Variants in KCTD8 observed in about 807,000 individuals in gnomAD.
KCTD8 encodes the protein potassium channel tetramerization domain containing 8, also known as BTB/POZ domain-containing protein KCTD8.
In KCTD8, 27 loss-of-function variants were observed where a neutral mutation model predicts 31.5. The ratio of observed to expected loss-of-function variants is 0.86; its 90% CI spans 0.63 to 1.18. KCTD8 has a LOEUF of 1.18. KCTD8 is among the 50% of genes most tolerant of loss of function. The pLI is 0.00. For synonymous variants in KCTD8, 290 were observed against 280.0 expected, an observed-to-expected ratio of 1.04 and a Z score of -0.36; for missense variants, 658 against 647.7, an observed-to-expected ratio of 1.02 and a Z score of -0.17.
chr4:44,357,886 C>A (rs1577634425), intron 1 of KCTD8, among the ~76,000 whole-genome samples: 1 of 151,050 alleles, frequency 6.6e-6, no homozygotes, highest in Non-Finnish European at 1.5e-5. Context: ...CATAAATATT[C>A]TTTTATTATT....
chr4:44,336,587 A>T (rs1348320951), intron 1 of KCTD8, among the ~76,000 whole-genome samples: 1 of 152,142 alleles, frequency 6.6e-6, no homozygotes, highest in Non-Finnish European at 1.5e-5. Context: ...AAGCGTTACA[A>T]CTATGAGAGA....
intron 1 of KCTD8, among the ~76,000 whole-genome samples, chr4:44,397,581 G>A (rs1720538669): frequency 6.6e-6 from 1 of 152,136 alleles, no homozygotes; most frequent in African/African-American, 2.4e-5. Context: ...GAGGAACCAA[G>A]TCTTAAAGAG....
At chr4:44,200,763 T>G (rs1011050268) in intron 1 of KCTD8, among the ~76,000 whole-genome samples, 7 of 152,006 alleles carry the variant, frequency 4.6e-5, no homozygotes, top group African/African-American at 1.7e-4. Flanking sequence ...AGGATGTCCA[T>G]TCTCAACATT....
rs558835527 is a variant in KCTD8, at chr4:44,230,329, T to C, written c.962-55079A>G. The stretch of plus-strand genomic sequence containing the variant: ...TGTTCTGCCCACGACAACTTTACTA[T>C]ATAGCTAAAGAAACTATGTAAGTTA... On this transcript the variant is annotated intron_variant, in intron 1 of 1. Transcript: ENST00000360029. Among the ~76,000 whole-genome samples, 4 of 152,352 alleles carry C rather than the reference T, an allele frequency of 2.6e-5. No individual in the cohort carries two copies. In the South Asian group the frequency reaches 8.3e-4, roughly 32 times the overall value.
At chr4:44,272,121 T>TATATATATATATATATATATATATA (rs1716629513) in intron 1 of KCTD8, among the ~76,000 whole-genome samples, 102 of 142,520 alleles carry the variant, frequency 7.2e-4, no homozygotes, top group Middle Eastern at 3.6e-3. Flanking sequence ...TGGTATTATA[T>TATATATATATATATATATATATATA]TATATATATA....
chr4:44,330,374 C>A (rs1211644125), intron 1 of KCTD8, among the ~76,000 whole-genome samples: 2 of 151,778 alleles, frequency 1.3e-5, no homozygotes, highest in East Asian at 3.9e-4. Context: ...TTCTGCTGAG[C>A]CCAAATTTCT....
intron 1 of KCTD8, among the ~76,000 whole-genome samples, chr4:44,368,416 T>C (rs954876272): frequency 6.6e-6 from 1 of 150,464 alleles, no homozygotes; most frequent in Admixed American, 6.6e-5. Context: ...TAAAATAAAA[T>C]AAGCAAATCA....
intron 1 of KCTD8, among the ~76,000 whole-genome samples, chr4:44,385,587 A>C (rs1390431823): frequency 6.6e-6 from 1 of 151,656 alleles, no homozygotes; most frequent in Non-Finnish European, 1.5e-5. Flanking sequence ...AAAAGCTAAA[A>C]CTTTAAAACT....
rs115149053 is a variant in KCTD8, at chr4:44,216,968, T to C, written c.962-41718A>G. On this transcript the variant is annotated intron_variant, in intron 1 of 1. Coordinates refer to ENST00000360029, the MANE Select transcript of KCTD8 (RefSeq NM_198353.3). ...GACCTTCCCACTAATCTAGAAATAA[T>C]TGCTAAATGCAAACATGCACCTATG... Among the ~76,000 whole-genome samples the C allele has an allele frequency of 8.8e-3, 1,335 of 152,314 alleles. 20 individuals carry two copies. The highest frequency in any genetic ancestry group is 0.03 in the African/African-American group (1,268 of 41,578).
intron 1 of KCTD8, among the ~76,000 whole-genome samples, chr4:44,200,190 C>A (rs932778221): frequency 2.0e-5 from 3 of 151,470 alleles, no homozygotes; most frequent in Admixed American, 2.0e-4. Context: ...AGAAAAATGT[C>A]CTGGACAAGA....
chr4:44,225,161 C>A (rs975774180), intron 1 of KCTD8, among the ~76,000 whole-genome samples: 3 of 152,242 alleles, frequency 2.0e-5, no homozygotes, highest in African/African-American at 7.2e-5. Context: ...TAAGCTCTAT[C>A]CCACATTCAA....
chr4:44,308,568 TGTTA>T (rs148398070), intron 1 of KCTD8, among the ~76,000 whole-genome samples: 18,093 of 152,016 alleles, frequency 0.12, 1,258 homozygotes, highest in East Asian at 0.24. Flanking sequence ...TGTATTTGTT[TGTTA>T]TAGATATACC....
Position 44,448,702 on chromosome 4 carries a change from G to A in KCTD8, c.-179C>T. 1.9e-6 allele frequency: 1 copy of A among 530,028 alleles called. No homozygotes were observed. The highest frequency in any genetic ancestry group is 2.9e-6 in the Non-Finnish European group (1 of 347,266). 32.8% of individuals were successfully genotyped at this position (530,028 alleles called of 1,614,324 possible). ...CAGCGGCGGCGTCGGCGGCGCCCGA[G>A]CTCCATCGGAGGAGAGACGCGCGAG... On this transcript the variant is annotated 5_prime_UTR_variant, in exon 1 of 2. Coordinates refer to ENST00000360029, the MANE Select transcript of KCTD8 (RefSeq NM_198353.3). This position sits in a 1 kb window ranked among gnomAD's most constrained non-coding sequence, Gnocchi z 4.1.
intron 1 of KCTD8, among the ~76,000 whole-genome samples, chr4:44,351,601 T>C (rs1316608478): frequency 6.6e-6 from 1 of 152,140 alleles, no homozygotes; most frequent in Non-Finnish European, 1.5e-5. Context: ...ATGTCTGAAA[T>C]GAGAGGAACA....
chr4:44,299,683 G>T (rs934414186), intron 1 of KCTD8, among the ~76,000 whole-genome samples: 1 of 151,132 alleles, frequency 6.6e-6, no homozygotes, highest in Non-Finnish European at 1.5e-5. Context: ...AGCCGAGATC[G>T]CGCCACTGCA....
At chr4:44,259,842 A>C (rs556395966) in intron 1 of KCTD8, among the ~76,000 whole-genome samples, 1 of 151,998 alleles carries the variant, frequency 6.6e-6, no homozygotes, top group African/African-American at 2.4e-5. Context: ...TTTGAGGTAT[A>C]TTGGGTTTTT....
At position 44,394,294 on chromosome 4, in the gene KCTD8, T is replaced by C. The variant is rs556533166; in HGVS notation, c.961+53269A>G. 3.3e-5 allele frequency among the ~76,000 whole-genome samples: 5 copies of C among 152,030 alleles called. No individual in the cohort carries two copies. In the South Asian group the frequency reaches 1.0e-3, roughly 32 times the overall value. On this transcript the variant is annotated intron_variant, in intron 1 of 1. Coordinates refer to ENST00000360029, the MANE Select transcript of KCTD8 (RefSeq NM_198353.3). The stretch of plus-strand genomic sequence containing the variant: ...GGCAAAGAAATACAGTTTCTAAAAA[T>C]CAAGTAACTAGCCCAACTTCACAAT...
chr4:44,217,861 ACAGT>A lies in KCTD8; in HGVS notation c.962-42615_962-42612del, dbSNP rs541497876. Among the ~76,000 whole-genome samples, 7 of 152,140 alleles carry A rather than the reference ACAGT, an allele frequency of 4.6e-5. No individual in the cohort carries two copies. The South Asian group carries it at 6.2e-4, about 14-fold the overall frequency. On this transcript the variant is annotated intron_variant, in intron 1 of 1. Transcript: ENST00000360029. ...CCTTTGGCCACAGACTGAAATCTGC[ACAGT>A]CAGCTTCCCTACTTTTGAGGCTTTT...
chr4:44,415,835 A>T (rs1187174803), intron 1 of KCTD8, among the ~76,000 whole-genome samples: 1 of 152,222 alleles, frequency 6.6e-6, no homozygotes, highest in Non-Finnish European at 1.5e-5. Flanking sequence ...AAGCACCCAC[A>T]AAAGACTGTA....
Sources: allele counts gnomAD v4.1 joint callset (sites outside exome capture counted in the v4.1 genomes callset), GRCh38; gene constraint gnomAD v4.1.1; non-coding constraint Gnocchi (gnomAD v3.1); transcripts MANE v1.5; gene names NCBI Gene and HGNC (gene_info 2026-07-23, HGNC 2026-07-21).